TRPM3: variants seen among roughly 807,000 people sequenced by gnomAD.
TRPM3 encodes long transient receptor potential channel 3.
A neutral mutation model predicts 181.2 loss-of-function variants in TRPM3; 77 were observed. The ratio of observed to expected loss-of-function variants is 0.42; its 90% CI spans 0.35 to 0.51. The LOEUF (loss-of-function observed/expected upper bound fraction) is 0.51. Ranked by LOEUF, TRPM3 falls within the 20% of genes least tolerant of loss-of-function variation. The probability of loss-of-function intolerance (pLI) is 0.01; values close to 1 mark genes in which losing one functional copy is unlikely to be tolerated. For missense variants in TRPM3, 1,759 were observed against 2,196.7 expected (o/e 0.80, Z 3.98); for synonymous variants, 745 against 796.4 (o/e 0.94, Z 1.09).
intron 5 of TRPM3, among the ~76,000 whole-genome samples, chr9:70,833,358 G>A (rs574196541): frequency 6.6e-6 from 1 of 152,252 alleles, no homozygotes; most frequent in East Asian, 1.9e-4. Flanking sequence ...ACTGAATTAT[G>A]AACCAACATG....
At chr9:71,147,001 G>A (rs566692679) in intron 1 of TRPM3, among the ~76,000 whole-genome samples, 43 of 152,180 alleles carry the variant, frequency 2.8e-4, no homozygotes, top group East Asian at 7.8e-4. Flanking sequence ...AAAGAAACCC[G>A]TCTGCGAGGG....
At chr9:70,879,232 G>A (rs1292365496) in intron 1 of TRPM3, among the ~76,000 whole-genome samples, 1 of 152,076 alleles carries the variant, frequency 6.6e-6, no homozygotes, top group Non-Finnish European at 1.5e-5. Flanking sequence ...AGAAAGAACA[G>A]TCACTTTGGG....
At chr9:71,037,283 A>C (rs917330542) in intron 1 of TRPM3, among the ~76,000 whole-genome samples, 1 of 152,206 alleles carries the variant, frequency 6.6e-6, no homozygotes, top group African/African-American at 2.4e-5. Flanking sequence ...ACTTTAACCA[A>C]TTAGTAATTA....
intron 1 of TRPM3, among the ~76,000 whole-genome samples, chr9:71,057,385 C>T: frequency 6.6e-6 from 1 of 152,072 alleles, no homozygotes; most frequent in South Asian, 2.1e-4. Flanking sequence ...GTGCTCTTAA[C>T]AGCATTAGCT....
chr9:70,837,843 A>G (rs2094420140), intron 5 of TRPM3, among the ~76,000 whole-genome samples: 1 of 152,182 alleles, frequency 6.6e-6, no homozygotes, highest in Admixed American at 6.6e-5. Flanking sequence ...TCAACCAACA[A>G]TAAAGATACT....
At chr9:71,150,994 T>C (rs12686625) in intron 1 of TRPM3, among the ~76,000 whole-genome samples, 32,526 of 152,152 alleles carry the variant, frequency 0.21, 4,116 homozygotes, top group East Asian at 0.32. Flanking sequence ...TTAAATGGTG[T>C]TGAGATGACT....
upstream of TRPM3, among the ~76,000 whole-genome samples, chr9:71,122,372 A>G (rs1018851716): frequency 2.0e-5 from 3 of 152,228 alleles, no homozygotes; most frequent in African/African-American, 7.2e-5. Context: ...AATTTCACAT[A>G]GTAAGTTGGG....
rs750403198 is a variant in TRPM3 at position 71,121,396 on chromosome 9, G to C, written c.-42C>G. ...CACCTGCAAATTCCATTAGGGCAGA[G>C]GCTTCCTGGAACTTGGAAGACTAGT... is the stretch of plus-strand genomic sequence containing the variant. On this transcript the variant is annotated 5_prime_UTR_variant, in exon 1 of 26. Transcript: ENST00000677713. The C allele has an allele frequency of 6.3e-7, 1 of 1,597,524 alleles. No individual in the cohort carries two copies. Among genetic ancestry groups the C allele is most frequent in the Non-Finnish European group, 8.5e-7 (1 of 1,172,538 alleles).
At chr9:70,803,244 C>T (rs1382881025) in intron 6 of TRPM3, among the ~76,000 whole-genome samples, 1 of 151,894 alleles carries the variant, frequency 6.6e-6, no homozygotes, top group Non-Finnish European at 1.5e-5. Context: ...CCTACTTGGC[C>T]CGTCAGTAGC....
chr9:71,130,026 T>A (rs1224944458), intron 1 of TRPM3, among the ~76,000 whole-genome samples: 3 of 152,212 alleles, frequency 2.0e-5, no homozygotes, highest in Non-Finnish European at 4.4e-5. Context: ...ATAACTTATA[T>A]GATTTTTTGC....
intron 1 of TRPM3, among the ~76,000 whole-genome samples, chr9:71,159,105 T>TTAGAGAGAGAGAG (rs1554836762): frequency 2.1e-5 from 3 of 144,082 alleles, no homozygotes; most frequent in African/African-American, 7.8e-5. Flanking sequence ...TATATATATT[T>TTAGAGAGAGAGAG]AGAGAGAGAG....
chr9:71,341,455 G>A (rs1367627), intron 1 of TRPM3, among the ~76,000 whole-genome samples: 150,243 of 152,202 alleles, frequency 0.99, 74,187 homozygotes, highest in East Asian at 1. Context: ...TATCTTTTCC[G>A]ATAATGCACC....
chr9:71,121,317 A>G lies in TRPM3; in HGVS notation c.38T>C (p.Ile13Thr). 1 of 1,613,996 alleles carries G rather than the reference A, an allele frequency of 6.2e-7. No homozygotes were observed. Among genetic ancestry groups the G allele is most frequent in the Non-Finnish European group, 8.5e-7 (1 of 1,179,990 alleles). ...AAACAAGAAACTGAAAACCTGAGCA[A>G]TGCCTAGAAAATAAACGGTCCCCCA... ...EPWGTVYFLGIAQVFSFLFSW... is the reference protein window; with the variant it reads ...EPWGTVYFLGTAQVFSFLFSW... Residue 13 changes from isoleucine to threonine, a missense_variant, in exon 1 of 26, where the codon ATT becomes ACT. By Grantham distance (89) the Ile-to-Thr change is moderately conservative (BLOSUM62 -1). This residue lies in a region of TRPM3 where 737 missense variants were observed against 957.4 expected (regional missense o/e 0.77). Coordinates refer to ENST00000677713, the MANE Select transcript of TRPM3 (RefSeq NM_001366145.2).
At chr9:70,538,403 T>A (rs746645006) in intron 25 of TRPM3, among the ~76,000 whole-genome samples, 4 of 152,062 alleles carry the variant, frequency 2.6e-5, no homozygotes, top group Non-Finnish European at 5.9e-5. Context: ...AGTGCTGGGA[T>A]TACAGGCGTA....
intron 1 of TRPM3, among the ~76,000 whole-genome samples, chr9:71,338,992 G>A (rs535450350): frequency 7.2e-5 from 11 of 152,076 alleles, no homozygotes; most frequent in African/African-American, 2.7e-4. Context: ...GAGAACCAAT[G>A]GTTAAAATGA....
chr9:70,926,461 A>G (rs1286442610), intron 1 of TRPM3, among the ~76,000 whole-genome samples: 2 of 152,200 alleles, frequency 1.3e-5, no homozygotes, highest in East Asian at 3.8e-4. Flanking sequence ...CAAAAAAATT[A>G]AAAGTGGCTC....
At chr9:70,972,697 G>C (rs2097259641) in intron 1 of TRPM3, among the ~76,000 whole-genome samples, 4 of 152,028 alleles carry the variant, frequency 2.6e-5, no homozygotes, top group Admixed American at 2.6e-4. Context: ...TTAAGATCTT[G>C]AATAAGTCTT....
intron 1 of TRPM3, among the ~76,000 whole-genome samples, chr9:71,069,033 A>C (rs2062331023): frequency 6.6e-6 from 1 of 152,190 alleles, no homozygotes; most frequent in South Asian, 2.1e-4. Context: ...TTGAAGATTT[A>C]ATTAAACAAT....
At chr9:71,393,506 A>G (rs1387832091) in intron 1 of TRPM3, among the ~76,000 whole-genome samples, 1 of 152,138 alleles carries the variant, frequency 6.6e-6, no homozygotes, top group African/African-American at 2.4e-5. Flanking sequence ...ACCAAACAGA[A>G]AGATGAAAAC....
Sources: allele counts gnomAD v4.1 joint callset (sites outside exome capture counted in the v4.1 genomes callset), GRCh38; gene constraint gnomAD v4.1.1; regional missense constraint gnomAD v4.1.1; transcripts MANE v1.5; gene names NCBI Gene and HGNC (gene_info 2026-07-23, HGNC 2026-07-21).